The following SPATA45 variants were observed in gnomAD, a reference collection of about 807,000 sequenced individuals.
The protein encoded by SPATA45 is spermatogenesis associated 45.
In SPATA45, 5 loss-of-function variants were observed where a neutral mutation model predicts 7.0. The observed-to-expected ratio is 0.71, with a 90% CI of 0.37 to 1.50. SPATA45 has a LOEUF of 1.50. Among genes scored for constraint, SPATA45 ranks in the 40% most tolerant of loss-of-function variants. The probability of loss-of-function intolerance (pLI) is 0.03; values close to 1 mark genes in which losing one functional copy is unlikely to be tolerated. For synonymous variants in SPATA45, 40 were observed against 38.7 expected, an observed-to-expected ratio of 1.03 and a Z score of -0.13; for missense variants, 111 against 114.9, an observed-to-expected ratio of 0.97 and a Z score of 0.16.
At chr1:212,847,244 A>T (rs1369565717) in intron 1 of SPATA45, among the ~76,000 whole-genome samples, 1 of 152,142 alleles carries the variant, frequency 6.6e-6, no homozygotes, top group Non-Finnish European at 1.5e-5. Context: ...TTACTCATTG[A>T]TTACGTATTT....
At position 212,839,477 on chromosome 1, in the gene SPATA45, G is replaced by T. The variant is rs912977007; in HGVS notation, c.-38-3290C>A. ...ACAGAAAATTCAAGAATTTAACTAG[G>T]TGTGGTGGCACCTGCCTGTAATCCC... is the stretch of plus-strand genomic sequence containing the variant. On this transcript the variant is annotated intron_variant, in intron 1 of 2. Transcript: ENST00000332912. 7.3e-5 allele frequency among the ~76,000 whole-genome samples: 11 copies of T among 151,412 alleles called. 1 individual carries two copies. Among genetic ancestry groups the T allele is most frequent in the Non-Finnish European group, 1.6e-4 (11 of 67,702 alleles).
chr1:212,837,308 T>C (rs1663606912), intron 1 of SPATA45, among the ~76,000 whole-genome samples: 1 of 151,362 alleles, frequency 6.6e-6, no homozygotes, highest in East Asian at 1.9e-4. Context: ...TGGGTGTTAC[T>C]TTCCCAATAA....
intron 1 of SPATA45, among the ~76,000 whole-genome samples, chr1:212,842,840 G>C (rs1357149042): frequency 1.3e-5 from 2 of 151,862 alleles, no homozygotes; most frequent in Admixed American, 1.3e-4. Context: ...TGTAATCCCA[G>C]CATGTTGGGA....
intron 1 of SPATA45, among the ~76,000 whole-genome samples, chr1:212,841,104 CTAATGTTTG>C (rs1207743679): frequency 6.6e-6 from 1 of 152,292 alleles, no homozygotes; most frequent in South Asian, 2.1e-4. Flanking sequence ...CCACACCCAG[CTAATGTTTG>C]TAAGTCTTTT....
intron 1 of SPATA45, among the ~76,000 whole-genome samples, chr1:212,843,495 C>T (rs2102514280): frequency 6.6e-6 from 1 of 152,062 alleles, no homozygotes; most frequent in African/African-American, 2.4e-5. Flanking sequence ...TTCTTTTCTC[C>T]CCAGTTTCTA....
intron 1 of SPATA45, among the ~76,000 whole-genome samples, chr1:212,843,815 A>C (rs991526812): frequency 8.5e-5 from 13 of 152,336 alleles, no homozygotes; most frequent in African/African-American, 3.1e-4. Context: ...GGTCTGGTCC[A>C]AAAACCAGAC....
At position 212,836,646 on chromosome 1, in the gene SPATA45, T is replaced by A. The variant is rs115888365; in HGVS notation, c.-38-459A>T. On this transcript the variant is annotated intron_variant, in intron 1 of 2. Coordinates refer to ENST00000332912, the MANE Select transcript of SPATA45 (RefSeq NM_001024601.3). ...GTGCCCGGACAGCACACCTCACTTT[T>A]TTTTTATTTTTTTATTTTTTGAGAT... 8.3e-3 allele frequency among the ~76,000 whole-genome samples: 1,253 copies of A among 150,296 alleles called. 34 individuals are homozygous for A. Among genetic ancestry groups the A allele is most frequent in the Non-Finnish European group, 0.014 (944 of 67,156 alleles).
intron 1 of SPATA45, among the ~76,000 whole-genome samples, chr1:212,843,100 TACACACACACACACACAC>T (rs367648433): frequency 3.3e-5 from 4 of 122,008 alleles, no homozygotes; most frequent in Non-Finnish European, 6.7e-5. Flanking sequence ...CCGTCAAACA[TACACACACACACACACAC>T]ACACACACAC....
At position 212,833,503 on chromosome 1, in the gene SPATA45, CAAA is replaced by C. The variant is rs35760900; in HGVS notation, c.277+2367_277+2369del. ...ACGAAACCCCATCTCTACTAAAATACAAAAAAAAAAAAAAAAAAAAATTAGCCA... is the reference window on the plus strand; with the variant it reads ...ACGAAACCCCATCTCTACTAAAATACAAAAAAAAAAAAAAAAAATTAGCCA... On this transcript the variant is annotated intron_variant, in intron 2 of 2. Coordinates refer to ENST00000332912, the MANE Select transcript of SPATA45 (RefSeq NM_001024601.3). 1.9e-4 allele frequency among the ~76,000 whole-genome samples: 21 copies of C among 108,722 alleles called. 1 individual carries two copies. The East Asian group carries it at 3.3e-3, about 17-fold the overall frequency. 71.3% of individuals were successfully genotyped at this position (108,722 alleles called of 152,430 possible).
rs557596256 is a variant in SPATA45 at position 212,830,172 on chromosome 1, T to A, written c.*70A>T. On this transcript the variant is annotated 3_prime_UTR_variant, in exon 3 of 3. Transcript: ENST00000332912. ...TTAGCTTTGTTTATAATTAATAATT[T>A]GTAAATAATTTAGACACACTGAAGA... The A allele has an allele frequency of 5.8e-4, 653 of 1,121,462 alleles. 11 individuals carry two copies. Among genetic ancestry groups the A allele is most frequent in the Non-Finnish European group, 8.1e-4 (623 of 773,394 alleles). The allele number at this position is 1,121,462 out of a possible 1,614,324, so 69.5% of individuals were successfully genotyped here.
At chr1:212,836,209 C>T (rs965355556) in intron 1 of SPATA45, 22 bp from the exon 2 acceptor site, 69 of 1,455,434 alleles carry the variant, frequency 4.7e-5, no homozygotes, top group Admixed American at 2.0e-4. Context: ...TGAAAAAATA[C>T]TTTCAATTGT....
At chr1:212,839,044 A>G (rs1663634615) in intron 1 of SPATA45, among the ~76,000 whole-genome samples, 1 of 150,644 alleles carries the variant, frequency 6.6e-6, no homozygotes, top group South Asian at 2.1e-4. Context: ...AGTTCTAACA[A>G]CCCAAATGTC....
In SPATA45 at chr1:212,840,855, T is replaced by G. The variant is rs538539337; in HGVS notation, c.-38-4668A>C. 2.0e-5 allele frequency among the ~76,000 whole-genome samples: 3 copies of G among 152,178 alleles called. No individual in the cohort carries two copies. In the South Asian group the frequency reaches 6.2e-4, roughly 32 times the overall value. ...GGATGGACTCGATCTCCTGACCTCTTGATCTGCCCGCCTTGGCCTCCCAAA... is the reference window on the plus strand; with the variant it reads ...GGATGGACTCGATCTCCTGACCTCTGGATCTGCCCGCCTTGGCCTCCCAAA... On this transcript the variant is annotated intron_variant, in intron 1 of 2. Transcript: ENST00000332912.
At chr1:212,839,737 A>C (rs1663647518) in intron 1 of SPATA45, among the ~76,000 whole-genome samples, 1 of 151,660 alleles carries the variant, frequency 6.6e-6, no homozygotes, top group Non-Finnish European at 1.5e-5. Flanking sequence ...AAGGGATATG[A>C]ATAAACTTTG....
At chr1:212,832,411 G>A (rs1199772290) in intron 2 of SPATA45, among the ~76,000 whole-genome samples, 1 of 89,914 alleles carries the variant, frequency 1.1e-5, no homozygotes, top group Non-Finnish European at 2.0e-5. Context: ...GTCTCTCTAT[G>A]TTGCCCAGGC....
chr1:212,841,609 T>C (rs1009480948), intron 1 of SPATA45, among the ~76,000 whole-genome samples: 1 of 142,880 alleles, frequency 7.0e-6, no homozygotes, highest in Non-Finnish European at 1.5e-5. Flanking sequence ...CTTTCCTAAA[T>C]AAGCAAAGAA....
Position 212,830,528 on chromosome 1 carries a change from C to T in SPATA45, c.278-267G>A, listed in dbSNP as rs777021674. On this transcript the variant is annotated intron_variant, in intron 2 of 2. Transcript: ENST00000332912. ...CTACTAAAAAAATACAAAAATTAGC[C>T]GGGCGTCGTGGCGCGCTCCTGTAGT... Among the ~76,000 whole-genome samples the T allele has an allele frequency of 2.0e-4, 30 of 148,136 alleles. 1 individual carries two copies. The highest frequency in any genetic ancestry group is 3.1e-4 in the Non-Finnish European group (21 of 66,744).
intron 1 of SPATA45, among the ~76,000 whole-genome samples, chr1:212,839,360 T>C (rs924131893): frequency 2.0e-5 from 3 of 150,938 alleles, no homozygotes; most frequent in Non-Finnish European, 3.0e-5. Flanking sequence ...CTCATGCCTA[T>C]AATCCCAGCA....
intron 1 of SPATA45, among the ~76,000 whole-genome samples, chr1:212,838,807 T>C (rs1259418232): frequency 6.6e-6 from 1 of 151,556 alleles, no homozygotes; most frequent in East Asian, 1.9e-4. Flanking sequence ...GCTCAAGCCA[T>C]CTTCCCACCT....
Sources: allele counts gnomAD v4.1 joint callset (sites outside exome capture counted in the v4.1 genomes callset), GRCh38; gene constraint gnomAD v4.1.1; transcripts MANE v1.5; gene names NCBI Gene and HGNC (gene_info 2026-07-23, HGNC 2026-07-21).